PDCD1: variants seen among roughly 807,000 people sequenced by gnomAD.
The protein encoded by PDCD1 is programmed cell death 1, also known as programmed cell death protein 1.
A neutral mutation model predicts 23.6 loss-of-function variants in PDCD1; 10 were observed. The observed-to-expected ratio is 0.42, with a 90% CI of 0.26 to 0.72. The LOEUF is 0.72. Ranked by LOEUF, PDCD1 falls within the 30% of genes least tolerant of loss-of-function variation. The pLI, the probability that PDCD1 is intolerant of heterozygous loss-of-function variation, is 0.24. For missense variants in PDCD1, 313 were observed against 397.8 expected, an observed-to-expected ratio of 0.79 and a Z score of 1.81; for synonymous variants, 168 against 169.3, an observed-to-expected ratio of 0.99 and a Z score of 0.06.
In PDCD1 at chr2:241,855,655, C is replaced by T. The variant is rs971397973; in HGVS notation, c.77-2675G>A. On this transcript the variant is annotated intron_variant, in intron 1 of 4. Coordinates refer to ENST00000334409, the MANE Select transcript of PDCD1 (RefSeq NM_005018.3). Reference sequence around the variant, plus strand: ...AGAGAGACCGCATTACAGGACATTGCTTTCCAGAAGCGCACAGAAGAAGGC... The same window carrying T: ...AGAGAGACCGCATTACAGGACATTGTTTTCCAGAAGCGCACAGAAGAAGGC... Among the ~76,000 whole-genome samples, 4 of 152,218 alleles carry T rather than the reference C, an allele frequency of 2.6e-5. No individual in the cohort carries two copies. The South Asian group carries it at 8.3e-4, about 31-fold the overall frequency.
intron 1 of PDCD1, among the ~76,000 whole-genome samples, chr2:241,858,305 G>A (rs977238949): frequency 5.3e-5 from 8 of 152,214 alleles, no homozygotes; most frequent in Non-Finnish European, 8.8e-5. Flanking sequence ...AGGAAAACTC[G>A]AGTGAGGACC....
chr2:241,852,093 G>C, intron 3 of PDCD1, 105 bp downstream of exon 3: 1 of 1,449,384 alleles, frequency 6.9e-7, no homozygotes, highest in Non-Finnish European at 9.3e-7. Context: ...GGGGAGATGG[G>C]GGGAGGTGGG....
chr2:241,850,992 G>A lies in PDCD1; in HGVS notation c.*66C>T. On this transcript the variant is annotated 3_prime_UTR_variant, in exon 5 of 5. Coordinates refer to ENST00000334409, the MANE Select transcript of PDCD1 (RefSeq NM_005018.3). Reference sequence around the variant, plus strand: ...GGCCTGCACCCTGCCTGCTTCTCCTGAGGAAATGCGCTGACCCGGGCTCAT... The same window carrying A: ...GGCCTGCACCCTGCCTGCTTCTCCTAAGGAAATGCGCTGACCCGGGCTCAT... 6.5e-7 allele frequency: 1 copy of A among 1,548,824 alleles called. No individual in the cohort carries two copies. Among genetic ancestry groups the A allele is most frequent in the Non-Finnish European group, 8.7e-7 (1 of 1,146,030 alleles).
At chr2:241,858,706 G>A (rs1701076249) in intron 1 of PDCD1, 57 bp downstream of exon 1, 1 of 1,441,448 alleles carries the variant, frequency 6.9e-7, no homozygotes. Flanking sequence ...GGGACTGAGG[G>A]TGGAAGGTCC....
Position 241,850,164 on chromosome 2 carries a change from G to A in PDCD1, c.*894C>T, listed in dbSNP as rs1700872050. ...GGGTTCCAAGGAGAGCTCCCAGGGT[G>A]GGCACATGGGGGGCCCTAGGTGCCT... On this transcript the variant is annotated 3_prime_UTR_variant, in exon 5 of 5. Transcript: ENST00000334409. 8.6e-6 allele frequency: 2 copies of A among 232,540 alleles called. No individual in the cohort carries two copies. The highest frequency in any genetic ancestry group is 4.4e-5 in the African/African-American group (2 of 45,260). The allele number at this position is 232,540 out of a possible 1,614,324, so 14.4% of individuals were successfully genotyped here. A position where few individuals can be genotyped will look rare whatever the true frequency, so the allele number is the denominator to read the frequency against.
chr2:241,852,469 G>A (rs895569166), intron 2 of PDCD1, 116 bp from the exon 3 acceptor site: 91 of 1,154,090 alleles, frequency 7.9e-5, no homozygotes, highest in Admixed American at 1.3e-4. Flanking sequence ...CAGAGATGCC[G>A]GTCACCATTC....
chr2:241,856,464 C>CT (rs1701030793), intron 1 of PDCD1, among the ~76,000 whole-genome samples: 2 of 152,192 alleles, frequency 1.3e-5, no homozygotes, highest in African/African-American at 2.4e-5. Context: ...TGTTTTTAAA[C>CT]GTTTTTGTAT....
chr2:241,854,777 C>G (rs1700986885), intron 1 of PDCD1, among the ~76,000 whole-genome samples: 1 of 152,218 alleles, frequency 6.6e-6, no homozygotes, highest in African/African-American at 2.4e-5. Flanking sequence ...TGCCATGCAG[C>G]TGTCGGGACA....
In PDCD1 at chr2:241,853,892, C is replaced by T. The variant is rs144050574; in HGVS notation, c.77-912G>A. Among the ~76,000 whole-genome samples the T allele has an allele frequency of 4.6e-5, 7 of 152,412 alleles. No homozygotes were observed. The East Asian group carries it at 9.6e-4, about 21-fold the overall frequency. On this transcript the variant is annotated intron_variant, in intron 1 of 4. Transcript: ENST00000334409. ...GACCCAGTGCACTGTCACTCAGTTC[C>T]GTCTCAGGCCTGGGCACGGCCCCCC...
Position 241,850,982 on chromosome 2 carries a change from T to C in PDCD1, c.*76A>G. The C allele has an allele frequency of 6.5e-7, 1 of 1,532,332 alleles. No homozygotes were observed. Among genetic ancestry groups the C allele is most frequent in the South Asian group, 1.3e-5 (1 of 78,988 alleles). 94.9% of individuals were successfully genotyped at this position (1,532,332 alleles called of 1,614,324 possible). A position where few individuals can be genotyped will look rare whatever the true frequency, so the allele number is the denominator to read the frequency against. On this transcript the variant is annotated 3_prime_UTR_variant, in exon 5 of 5. Transcript: ENST00000334409. The stretch of plus-strand genomic sequence containing the variant: ...GGCCTGCAATGGCCTGCACCCTGCC[T>C]GCTTCTCCTGAGGAAATGCGCTGAC...
chr2:241,852,088 G>C lies in PDCD1; in HGVS notation c.593-105C>G, dbSNP rs1700914081. On this transcript the variant is annotated intron_variant, in intron 3 of 4. Coordinates refer to ENST00000334409, the MANE Select transcript of PDCD1 (RefSeq NM_005018.3). ...CATCAGGGACTTAGCCTGGCGGGGA[G>C]ATGGGGGGAGGTGGGGTGGGGTGAG... The C allele has an allele frequency of 2.8e-5, 35 of 1,252,214 alleles. 1 individual carries two copies. The South Asian group carries it at 4.3e-4, about 15-fold the overall frequency. The allele number at this position is 1,252,214 out of a possible 1,614,324, so 77.6% of individuals were successfully genotyped here. A position where few individuals can be genotyped will look rare whatever the true frequency, so the allele number is the denominator to read the frequency against.
At position 241,852,534 on chromosome 2, in the gene PDCD1, C is replaced by T. The variant is rs1700924809; in HGVS notation, c.436+87G>A. The T allele has an allele frequency of 1.2e-5, 18 of 1,496,260 alleles. 1 individual carries two copies. In the South Asian group the frequency reaches 1.9e-4, roughly 16 times the overall value. The allele number at this position is 1,496,260 out of a possible 1,614,324, so 92.7% of individuals were successfully genotyped here. On this transcript the variant is annotated intron_variant, in intron 2 of 4. Coordinates refer to ENST00000334409, the MANE Select transcript of PDCD1 (RefSeq NM_005018.3). The stretch of plus-strand genomic sequence containing the variant: ...AGCTGGGGGGTCCCTGCCCTACGAC[C>T]CTGGAGCTCCTGATCCTGTGCAGGA...
At chr2:241,858,340 C>T (rs1020050590) in intron 1 of PDCD1, among the ~76,000 whole-genome samples, 4 of 152,216 alleles carry the variant, frequency 2.6e-5, no homozygotes, top group South Asian at 2.1e-4. Context: ...AAGGCAGAGC[C>T]GCCACGCAGA....
chr2:241,849,930 CA>C lies in PDCD1; in HGVS notation c.*1127del. The C allele has an allele frequency of 5.0e-6, 1 of 198,786 alleles. No homozygotes were observed. 12.3% of individuals were successfully genotyped at this position (198,786 alleles called of 1,614,324 possible). A position where few individuals can be genotyped will look rare whatever the true frequency, so the allele number is the denominator to read the frequency against. On this transcript the variant is annotated 3_prime_UTR_variant, in exon 5 of 5. Transcript: ENST00000334409. Reference sequence around the variant, plus strand: ...TTATAATTATAATATAATAGAACCACAGGGAAGGGGGATCCCTTGTCCCAGC... The same window carrying C: ...TTATAATTATAATATAATAGAACCACGGGAAGGGGGATCCCTTGTCCCAGC...
chr2:241,850,893 G>T lies in PDCD1; in HGVS notation c.*165C>A. 3.8e-6 allele frequency: 3 copies of T among 799,186 alleles called. No homozygotes were observed. The highest frequency in any genetic ancestry group is 2.8e-5 in the Admixed American group (1 of 35,984). 49.5% of individuals were successfully genotyped at this position (799,186 alleles called of 1,614,324 possible). A position where few individuals can be genotyped will look rare whatever the true frequency, so the allele number is the denominator to read the frequency against. On this transcript the variant is annotated 3_prime_UTR_variant, in exon 5 of 5. Transcript: ENST00000334409. ...CATTGAGACATGAGTCCTGTGGTGG[G>T]GCTGTGCCTGGTGCAGGTGCAGGCT...
rs754424677 is a variant in PDCD1 at position 241,851,111 on chromosome 2, G to C, written c.814C>G (p.Arg272Gly). The C allele has an allele frequency of 1.2e-6, 2 of 1,613,126 alleles. No homozygotes were observed. The highest frequency in any genetic ancestry group is 1.7e-6 in the Non-Finnish European group (2 of 1,179,886). The change falls in exon 5 of 5, where the codon CGG becomes GGG. Residue 272 changes from arginine to glycine, a missense_variant. Coordinates refer to ENST00000334409, the MANE Select transcript of PDCD1 (RefSeq NM_005018.3). ...PARRGSADGP[R>G]SAQPLRPEDG... is the part of the protein sequence containing the mutation. ...TCAGGCCTCAGTGGCTGGGCACTCCGAGGGCCGTCAGCTGAGCCCCTGCGG... is the reference window on the plus strand; with the variant it reads ...TCAGGCCTCAGTGGCTGGGCACTCCCAGGGCCGTCAGCTGAGCCCCTGCGG...
intron 1 of PDCD1, among the ~76,000 whole-genome samples, chr2:241,853,998 G>A (rs1433269548): frequency 5.9e-5 from 9 of 152,228 alleles, no homozygotes; most frequent in Admixed American, 5.2e-4. Flanking sequence ...CTCCGTGGCA[G>A]GCGGTGGTGA....
At chr2:241,857,513 C>T (rs1241411531) in intron 1 of PDCD1, among the ~76,000 whole-genome samples, 2 of 151,452 alleles carry the variant, frequency 1.3e-5, no homozygotes, top group African/African-American at 4.8e-5. Context: ...CTGTGACGAG[C>T]GCCCCTCTGC....
chr2:241,852,344 G>A lies in PDCD1; in HGVS notation c.446C>T (p.Ala149Val), dbSNP rs1700921530. 1 of 1,587,616 alleles carries A rather than the reference G, an allele frequency of 6.3e-7. No individual in the cohort carries two copies. Among genetic ancestry groups the A allele is most frequent in the African/African-American group, 1.4e-5 (1 of 74,054 alleles). The part of the protein sequence containing the change: ...RAELRVTERR[A>V]EVPTAHPSPS... ...GCTGGGGTGGGCTGTGGGCACTTCT[G>A]CCCTTCTCTCTGGAAGGGCACAAAG... is the stretch of plus-strand genomic sequence containing the variant. Residue 149 changes from alanine (A) to valine (V), a missense_variant, in exon 3 of 5, where the codon GCA becomes GTA. Ala to Val is a moderately conservative substitution (Grantham distance 64). Coordinates refer to ENST00000334409, the MANE Select transcript of PDCD1 (RefSeq NM_005018.3).
Sources: gnomAD v4.1 joint callset for allele counts (sites outside exome capture counted in the v4.1 genomes callset) on GRCh38, gnomAD v4.1.1 for gene constraint, MANE v1.5 for transcripts, NCBI Gene and HGNC (gene_info 2026-07-23, HGNC 2026-07-21) for gene names.